The following LHFPL3 variants were observed in gnomAD, a reference collection of about 807,000 sequenced individuals.
LHFPL3 encodes LHFPL tetraspan subfamily member 3 protein.
Under a neutral mutation model 19.3 loss-of-function variants are expected in LHFPL3, and 5 were observed. The observed-to-expected ratio is 0.26, with a 90% CI of 0.14 to 0.54. LHFPL3 has a LOEUF of 0.54. Ranked by LOEUF, LHFPL3 falls within the 20% of genes least tolerant of loss-of-function variation. The pLI is 0.94. For missense variants in LHFPL3, 249 were observed against 307.4 expected, an observed-to-expected ratio of 0.81 and a Z score of 1.42; for synonymous variants, 133 against 126.2, an observed-to-expected ratio of 1.05 and a Z score of -0.36.
At chr7:104,804,049 C>G (rs1790307129) in intron 2 of LHFPL3, 1 of 152,234 alleles carries the variant, frequency 6.6e-6, no homozygotes, top group Non-Finnish European at 1.5e-5. Context: ...CAGTCTTGGA[C>G]TTCACATCTT....
intron 1 of LHFPL3, among the ~76,000 whole-genome samples, chr7:104,682,232 A>C (rs981002802): frequency 6.6e-6 from 1 of 152,214 alleles, no homozygotes; most frequent in Non-Finnish European, 1.5e-5. Flanking sequence ...AGTGACTCCC[A>C]TGTCCACACC....
intron 2 of LHFPL3, among the ~76,000 whole-genome samples, chr7:104,887,590 C>G (rs546142530): frequency 3.9e-5 from 6 of 152,290 alleles, no homozygotes. Context: ...CAGAGAGGAC[C>G]CTGCTGGTCA....
chr7:104,845,208 T>C (rs2116600117), intron 2 of LHFPL3, among the ~76,000 whole-genome samples: 1 of 152,380 alleles, frequency 6.6e-6, no homozygotes, highest in East Asian at 1.9e-4. Context: ...CCAGGCAGTC[T>C]GGCTCTCAGG....
chr7:104,666,876 A>G (rs894024073), intron 1 of LHFPL3, among the ~76,000 whole-genome samples: 7 of 151,750 alleles, frequency 4.6e-5, no homozygotes, highest in Non-Finnish European at 1.5e-5. Flanking sequence ...TATATACCAC[A>G]TTTTCTTTAT....
At chr7:104,552,745 T>G (rs999715321) in intron 1 of LHFPL3, among the ~76,000 whole-genome samples, 3 of 152,192 alleles carry the variant, frequency 2.0e-5, no homozygotes, top group African/African-American at 4.8e-5. Context: ...ATATTTTAAG[T>G]GTAGAGGATT....
intron 1 of LHFPL3, among the ~76,000 whole-genome samples, chr7:104,540,525 G>A (rs1794466257): frequency 6.6e-6 from 1 of 152,136 alleles, no homozygotes; most frequent in African/African-American, 2.4e-5. Flanking sequence ...GAAGAACACT[G>A]GTCTGCAGAA....
chr7:104,666,590 C>T (rs1386800067), intron 1 of LHFPL3, among the ~76,000 whole-genome samples: 5 of 117,218 alleles, frequency 4.3e-5, no homozygotes, highest in African/African-American at 1.3e-4. Flanking sequence ...GGCGGGATCT[C>T]GGCTCACTGC....
At chr7:104,649,865 G>A (rs1049070845) in intron 1 of LHFPL3, among the ~76,000 whole-genome samples, 3 of 152,184 alleles carry the variant, frequency 2.0e-5, no homozygotes, top group East Asian at 1.9e-4. Context: ...CTCAAAAGAA[G>A]CATGGTCAGT....
At chr7:104,769,919 T>TAA (rs1794524041) in intron 2 of LHFPL3, among the ~76,000 whole-genome samples, 3 of 152,160 alleles carry the variant, frequency 2.0e-5, no homozygotes, top group Admixed American at 6.5e-5. Flanking sequence ...AGCAATTTCA[T>TAA]ATGGTTCAAT....
chr7:104,424,895 T>G (rs1277292820), intron 1 of LHFPL3, among the ~76,000 whole-genome samples: 1 of 145,926 alleles, frequency 6.9e-6, no homozygotes, highest in Non-Finnish European at 1.5e-5. Flanking sequence ...GGCAGGAGAA[T>G]GGCGTGAACC....
At chr7:104,848,133 G>C (rs1177103572) in intron 2 of LHFPL3, among the ~76,000 whole-genome samples, 1 of 152,146 alleles carries the variant, frequency 6.6e-6, no homozygotes, top group East Asian at 1.9e-4. Flanking sequence ...CCAGAATTTT[G>C]GCAGAGAAGG....
In LHFPL3 at chr7:104,668,994, G is replaced by A; in HGVS notation, c.446-67681G>A. On this transcript the variant is annotated intron_variant, in intron 1 of 2. Coordinates refer to ENST00000424859, the MANE Select transcript of LHFPL3 (RefSeq NM_199000.3). ...AAGAAACTCAGGAACGGGAACGGTC[G>A]AGGACAGGAAGTGAGTCATCACAGA... 3.7e-6 allele frequency: 6 copies of A among 1,612,198 alleles called. No individual in the cohort carries two copies. The South Asian group carries it at 4.4e-5, about 12-fold the overall frequency.
chr7:104,665,574 G>T (rs1415356119), intron 1 of LHFPL3, among the ~76,000 whole-genome samples: 1 of 152,298 alleles, frequency 6.6e-6, no homozygotes, highest in African/African-American at 2.4e-5. Flanking sequence ...ATCAAGACCT[G>T]AGTTGTATCC....
intron 2 of LHFPL3, among the ~76,000 whole-genome samples, chr7:104,871,467 T>C (rs1431906791): frequency 6.6e-6 from 1 of 152,214 alleles, no homozygotes; most frequent in Non-Finnish European, 1.5e-5. Flanking sequence ...TACACTACTA[T>C]AGACTTCGTA....
intron 2 of LHFPL3, among the ~76,000 whole-genome samples, chr7:104,829,675 G>T (rs1790908314): frequency 6.6e-6 from 1 of 151,836 alleles, no homozygotes; most frequent in Non-Finnish European, 1.5e-5. Flanking sequence ...ATTTTTTATG[G>T]CTGCATAGTA....
chr7:104,437,464 G>C (rs1368099148), intron 1 of LHFPL3, among the ~76,000 whole-genome samples: 2 of 152,112 alleles, frequency 1.3e-5, no homozygotes, highest in Non-Finnish European at 2.9e-5. Flanking sequence ...ACACTAAGCA[G>C]AGTTAGCCCA....
intron 1 of LHFPL3, among the ~76,000 whole-genome samples, chr7:104,602,193 G>A (rs1011686265): frequency 1.1e-4 from 17 of 151,524 alleles, no homozygotes; most frequent in African/African-American, 4.1e-4. Context: ...GCTAATTTTT[G>A]TATTTTTAAT....
chr7:104,887,537 G>A (rs1449588771), intron 2 of LHFPL3, among the ~76,000 whole-genome samples: 1 of 152,196 alleles, frequency 6.6e-6, no homozygotes, highest in Non-Finnish European at 1.5e-5. Flanking sequence ...TAGAGGTAAG[G>A]GATGGTGATT....
Position 104,862,433 on chromosome 7 carries a change from A to G in LHFPL3, c.683-43754A>G, listed in dbSNP as rs1323205869. 2.0e-5 allele frequency among the ~76,000 whole-genome samples: 3 copies of G among 152,194 alleles called. No individual in the cohort carries two copies. The East Asian group carries it at 5.8e-4, about 29-fold the overall frequency. On this transcript the variant is annotated intron_variant, in intron 2 of 2. Coordinates refer to ENST00000424859, the MANE Select transcript of LHFPL3 (RefSeq NM_199000.3). ...ACTTGCCTTCTGGGTAGGCAGTGTT[A>G]TCTCCTTTGTATTTTTCAGATATGA... is the stretch of plus-strand genomic sequence containing the variant.
Sources: gnomAD v4.1 joint callset for allele counts (sites outside exome capture counted in the v4.1 genomes callset) on GRCh38, gnomAD v4.1.1 for gene constraint, MANE v1.5 for transcripts, NCBI Gene and HGNC (gene_info 2026-07-23, HGNC 2026-07-21) for gene names.